The following SCP2 variants were observed in gnomAD, a reference collection of about 807,000 sequenced individuals.
The protein encoded by SCP2 is sterol carrier protein 2, also known as SCP-2/3-oxoacyl-CoA thiolase.
In SCP2, 48 loss-of-function variants were observed where a neutral mutation model predicts 71.4. The ratio of observed to expected loss-of-function variants is 0.67; its 90% CI spans 0.53 to 0.86. The LOEUF is 0.86. SCP2 is among the 40% of genes least tolerant of loss of function. The pLI is 0.00. For synonymous variants in SCP2, 220 were observed against 218.1 expected, an observed-to-expected ratio of 1.01 and a Z score of -0.08; for missense variants, 560 against 655.6, an observed-to-expected ratio of 0.85 and a Z score of 1.59.
At chr1:52,947,241 TAA>T (rs34249724) in intron 2 of SCP2, among the ~76,000 whole-genome samples, 3,952 of 54,296 alleles carry the variant, frequency 0.073, 95 homozygotes, top group East Asian at 0.16. Context: ...ATGTTGTCCT[TAA>T]AAAAAAAAAA....
chr1:53,046,613 T>C (rs13376501), intron 14 of SCP2, among the ~76,000 whole-genome samples: 27,479 of 152,142 alleles, frequency 0.18, 5,319 homozygotes, highest in African/African-American at 0.49. Context: ...AGTCTGTATA[T>C]GAGTTGTTTG....
At chr1:52,931,668 A>G (rs1001023245) in intron 1 of SCP2, among the ~76,000 whole-genome samples, 6 of 152,214 alleles carry the variant, frequency 3.9e-5, no homozygotes, top group African/African-American at 1.4e-4. Context: ...TGTGGTGAAG[A>G]TCAGCAGTTG....
chr1:52,973,853 T>C (rs6682024), intron 6 of SCP2, among the ~76,000 whole-genome samples: 80,340 of 152,098 alleles, frequency 0.53, 22,444 homozygotes, highest in East Asian at 0.98. Context: ...CCACCCACCT[T>C]GGCTTCCCAA....
chr1:52,955,694 T>A (rs1203243382), intron 5 of SCP2, among the ~76,000 whole-genome samples: 1 of 152,084 alleles, frequency 6.6e-6, no homozygotes, highest in Non-Finnish European at 1.5e-5. Context: ...CCTAGACAAA[T>A]TTTCTTCTGG....
intron 6 of SCP2, among the ~76,000 whole-genome samples, chr1:52,974,065 GTACTT>G (rs140926936): frequency 0.027 from 4,050 of 152,140 alleles, 182 homozygotes; most frequent in African/African-American, 0.092. Flanking sequence ...GGGGAACTTT[GTACTT>G]TACTGTGCCA....
At chr1:52,937,205 A>C (rs1197145866) in intron 1 of SCP2, among the ~76,000 whole-genome samples, 1 of 152,206 alleles carries the variant, frequency 6.6e-6, no homozygotes, top group Non-Finnish European at 1.5e-5. Flanking sequence ...ATAGTAGTAT[A>C]AGAAGGATAT....
chr1:52,952,747 A>G (rs1186079023), intron 4 of SCP2, among the ~76,000 whole-genome samples: 1 of 152,142 alleles, frequency 6.6e-6, no homozygotes, highest in Non-Finnish European at 1.5e-5. Context: ...AGCCTGGGCA[A>G]CAGAGCAAGA....
intron 2 of SCP2, among the ~76,000 whole-genome samples, chr1:52,944,783 A>G (rs1432906976): frequency 6.6e-6 from 1 of 151,952 alleles, no homozygotes; most frequent in Non-Finnish European, 1.5e-5. Flanking sequence ...ACACGTTGAG[A>G]GGCCGAGGTG....
At chr1:53,036,055 A>T (rs1662926176) in intron 13 of SCP2, among the ~76,000 whole-genome samples, 1 of 150,520 alleles carries the variant, frequency 6.6e-6, no homozygotes, top group African/African-American at 2.4e-5. Flanking sequence ...ACTGAGATTC[A>T]GAAAGTAACT....
rs777327087 is a variant in SCP2 at position 52,988,130 on chromosome 1, G to A, written c.1075G>A (p.Ala359Thr). ...GATTTCAAAGGGACACCCACTAGGC[G>A]CTACAGGTAATGCTACATACAGATT... The part of the protein sequence containing the change: ...GLISKGHPLG[A>T]TGLAQCAELC... The change falls in exon 11 of 16, where the codon GCT becomes ACT. Residue 359 changes from alanine to threonine, a missense_variant. Transcript: ENST00000371514. 1.5e-5 allele frequency: 22 copies of A among 1,504,470 alleles called. No homozygotes were observed. In the East Asian group the frequency reaches 1.6e-4, roughly 11 times the overall value. 93.2% of individuals were successfully genotyped at this position (1,504,470 alleles called of 1,614,324 possible).
chr1:53,029,266 GTTT>G (rs201716383), intron 13 of SCP2, among the ~76,000 whole-genome samples: 2 of 140,420 alleles, frequency 1.4e-5, no homozygotes, highest in Admixed American at 7.1e-5. Flanking sequence ...ATCTCTTTCT[GTTT>G]TTTTTTTTTT....
At chr1:52,949,710 A>G (rs1655121626) in intron 3 of SCP2, among the ~76,000 whole-genome samples, 2 of 152,204 alleles carry the variant, frequency 1.3e-5, no homozygotes, top group African/African-American at 4.8e-5. Flanking sequence ...ACCTTCAAAT[A>G]AGGAAGAGGA....
intron 12 of SCP2, among the ~76,000 whole-genome samples, chr1:53,025,087 C>T (rs1662028045): frequency 6.6e-6 from 1 of 152,108 alleles, no homozygotes; most frequent in African/African-American, 2.4e-5. Flanking sequence ...ATCTGACTTC[C>T]ACCCTCCACT....
At chr1:52,988,600 CAA>C (rs77597535) in intron 11 of SCP2, among the ~76,000 whole-genome samples, 13,806 of 151,958 alleles carry the variant, frequency 0.091, 1,069 homozygotes, top group Admixed American at 0.2. Flanking sequence ...TATAAAATGA[CAA>C]ACTTGTACAA....
At chr1:52,966,702 G>A (rs1656990123) in intron 6 of SCP2, among the ~76,000 whole-genome samples, 1 of 150,350 alleles carries the variant, frequency 6.7e-6, no homozygotes, top group Non-Finnish European at 1.5e-5. Flanking sequence ...TGGCCAACAT[G>A]GCGAAACCCC....
At chr1:52,931,810 C>A (rs1653175536) in intron 1 of SCP2, among the ~76,000 whole-genome samples, 1 of 151,910 alleles carries the variant, frequency 6.6e-6, no homozygotes, top group South Asian at 2.1e-4. Flanking sequence ...TCAAAAACAA[C>A]AAAATACTAA....
chr1:52,928,357 GA>G (rs1247491473), intron 1 of SCP2, among the ~76,000 whole-genome samples: 3 of 152,366 alleles, frequency 2.0e-5, no homozygotes, highest in African/African-American at 7.2e-5. Flanking sequence ...GACCCTCAGT[GA>G]ATGTTAGTTG....
At chr1:52,976,230 C>T (rs1299232431) in intron 7 of SCP2, among the ~76,000 whole-genome samples, 3 of 152,046 alleles carry the variant, frequency 2.0e-5, no homozygotes, top group Non-Finnish European at 4.4e-5. Context: ...TTCATTATGT[C>T]AGCATGCTAG....
intron 9 of SCP2, among the ~76,000 whole-genome samples, chr1:52,980,173 A>C (rs1658357387): frequency 1.3e-5 from 2 of 151,794 alleles, no homozygotes; most frequent in Non-Finnish European, 2.9e-5. Flanking sequence ...AGGATCTTCC[A>C]TTGTTGCCCA....
Sources: allele counts gnomAD v4.1 joint callset (sites outside exome capture counted in the v4.1 genomes callset), GRCh38; gene constraint gnomAD v4.1.1; transcripts MANE v1.5; gene names NCBI Gene and HGNC (gene_info 2026-07-23, HGNC 2026-07-21).